The following RC3H1 variants were observed in gnomAD, a reference collection of about 807,000 sequenced individuals.
RC3H1 encodes the protein roquin-1.
RC3H1 carries 50 observed loss-of-function variants against 138.2 expected under a neutral mutation model. The observed-to-expected ratio is 0.36, with a 90% CI of 0.29 to 0.46. The LOEUF is 0.46. RC3H1 is among the 20% of genes least tolerant of loss of function. The probability of loss-of-function intolerance (pLI) is 1.00; values close to 1 mark genes in which losing one functional copy is unlikely to be tolerated. For missense variants in RC3H1, 1,031 were observed against 1,388.1 expected (o/e 0.74, Z 4.09); for synonymous variants, 462 against 489.1 (o/e 0.94, Z 0.73).
chr1:173,966,774 C>T lies in RC3H1; in HGVS notation c.1335-1654G>A, dbSNP rs1205387096. Among the ~76,000 whole-genome samples the T allele has an allele frequency of 3.3e-5, 5 of 151,882 alleles. No homozygotes were observed. In the East Asian group the frequency reaches 5.8e-4, roughly 18 times the overall value. ...ATAAAACCCCATCAGAGTAATAATG[C>T]TATTTTTCCACGTTTCCCAAAACTG... On this transcript the variant is annotated intron_variant, in intron 9 of 19. Coordinates refer to ENST00000367696, the MANE Select transcript of RC3H1 (RefSeq NM_172071.4).
intron 1 of RC3H1, among the ~76,000 whole-genome samples, chr1:174,003,001 T>C (rs769867967): frequency 1.2e-4 from 18 of 152,198 alleles, no homozygotes; most frequent in Non-Finnish European, 2.6e-4. Context: ...ATATAACCAG[T>C]TGACTACTAA....
rs1658485015 is a variant in RC3H1 at position 173,934,066 on chromosome 1, A to G, written c.*4655T>C. 6.6e-6 allele frequency: 1 copy of G among 152,186 alleles called. No individual in the cohort carries two copies. The highest frequency in any genetic ancestry group is 2.4e-5 in the African/African-American group (1 of 41,446). 9.4% of individuals were successfully genotyped at this position (152,186 alleles called of 1,614,324 possible). A position where few individuals can be genotyped will look rare whatever the true frequency, so the allele number is the denominator to read the frequency against. ...ATAAATCGTTACAGGTGCTTTTTAC[A>G]GATAGATTTTACAAATAAAACCTTT... On this transcript the variant is annotated 3_prime_UTR_variant, in exon 20 of 20. Coordinates refer to ENST00000367696, the MANE Select transcript of RC3H1 (RefSeq NM_172071.4).
chr1:173,961,311 T>G, intron 12 of RC3H1, 67 bp from the exon 13 acceptor site: 1 of 1,376,870 alleles, frequency 7.3e-7, no homozygotes, highest in Non-Finnish European at 1.0e-6. Context: ...TTTAATATAC[T>G]CAGCGTATAT....
At chr1:173,986,489 A>G (rs1003297798) in intron 2 of RC3H1, among the ~76,000 whole-genome samples, 1 of 152,052 alleles carries the variant, frequency 6.6e-6, no homozygotes, top group Non-Finnish European at 1.5e-5. Flanking sequence ...TACATTGCCC[A>G]GACTGGCCTC....
At chr1:173,981,874 TG>T (rs1393913282) in intron 5 of RC3H1, among the ~76,000 whole-genome samples, 2 of 151,832 alleles carry the variant, frequency 1.3e-5, no homozygotes, top group African/African-American at 4.8e-5. Context: ...CACTCCAGCC[TG>T]GGCGACAGAG....
chr1:173,945,111 G>A (rs761164444), intron 17 of RC3H1, among the ~76,000 whole-genome samples: 1,504 of 148,632 alleles, frequency 0.01, 17 homozygotes, highest in Non-Finnish European at 0.015. Flanking sequence ...GCACTTAAAA[G>A]ATTTTAAAAA....
In RC3H1 at chr1:173,936,447, G is replaced by A. The variant is rs1385043321; in HGVS notation, c.*2274C>T. 7.0e-6 allele frequency: 1 copy of A among 142,100 alleles called. No homozygotes were observed. Among genetic ancestry groups the A allele is most frequent in the East Asian group, 2.2e-4 (1 of 4,630 alleles). 8.8% of individuals were successfully genotyped at this position (142,100 alleles called of 1,614,324 possible). Reference sequence around the variant, plus strand: ...GAGAATCGCTTGAACCCGGGAGGTGGAGGTTGTAGCGAGCCGAGATCAACC... The same window carrying A: ...GAGAATCGCTTGAACCCGGGAGGTGAAGGTTGTAGCGAGCCGAGATCAACC... On this transcript the variant is annotated 3_prime_UTR_variant, in exon 20 of 20. Coordinates refer to ENST00000367696, the MANE Select transcript of RC3H1 (RefSeq NM_172071.4).
At chr1:173,986,366 T>G (rs1044816951) in intron 2 of RC3H1, among the ~76,000 whole-genome samples, 8 of 152,084 alleles carry the variant, frequency 5.3e-5, no homozygotes, top group Non-Finnish European at 1.2e-4. Context: ...ACACTTAGTC[T>G]TCAGAGAAAG....
chr1:173,970,268 T>C (rs1660298783), intron 9 of RC3H1, among the ~76,000 whole-genome samples: 1 of 152,238 alleles, frequency 6.6e-6, no homozygotes, highest in Non-Finnish European at 1.5e-5. Context: ...AAGTTTTGAC[T>C]GCTATCCATC....
At chr1:173,997,094 G>A (rs1436591031) in intron 1 of RC3H1, among the ~76,000 whole-genome samples, 2 of 151,920 alleles carry the variant, frequency 1.3e-5, no homozygotes, top group Non-Finnish European at 2.9e-5. Context: ...AGCTGGACAT[G>A]GGCACCTGTA....
Position 173,963,872 on chromosome 1 carries a change from ACTTAT to A in RC3H1, c.1831+96_1831+100del, listed in dbSNP as rs1397684437. 23 of 881,138 alleles carry A rather than the reference ACTTAT, an allele frequency of 2.6e-5. No individual in the cohort carries two copies. In the African/African-American group the frequency reaches 3.5e-4, roughly 14 times the overall value. The allele number at this position is 881,138 out of a possible 1,614,324, so 54.6% of individuals were successfully genotyped here. ...TATTAAAAAATGCATTTATACATTT[ACTTAT>A]CTTAAAGAGGCTACTGTGTAAATGA... On this transcript the variant is annotated intron_variant, in intron 11 of 19. Coordinates refer to ENST00000367696, the MANE Select transcript of RC3H1 (RefSeq NM_172071.4).
rs1316810817 is a variant in RC3H1, at chr1:173,936,088, A to C, written c.*2633T>G. 1 of 152,272 alleles carries C rather than the reference A, an allele frequency of 6.6e-6. No homozygotes were observed. The highest frequency in any genetic ancestry group is 1.9e-4 in the East Asian group (1 of 5,202). The allele number at this position is 152,272 out of a possible 1,614,324, so 9.4% of individuals were successfully genotyped here. On this transcript the variant is annotated 3_prime_UTR_variant, in exon 20 of 20. Transcript: ENST00000367696. ...TCCCTGCTCCTGCCTACTTCACAGA[A>C]TCAAAATGGCAAAAGCCAAGAACAA...
intron 13 of RC3H1, among the ~76,000 whole-genome samples, chr1:173,960,368 G>A (rs1404063329): frequency 6.6e-6 from 1 of 151,962 alleles, no homozygotes; most frequent in Admixed American, 6.6e-5. Flanking sequence ...AAACATTTTG[G>A]TGGCCACATT....
intron 1 of RC3H1, among the ~76,000 whole-genome samples, chr1:174,017,840 C>T (rs903862942): frequency 3.1e-5 from 4 of 129,432 alleles, no homozygotes; most frequent in African/African-American, 1.2e-4. Context: ...CTATTTAGAT[C>T]TTGGAAATTT....
chr1:174,020,424 T>A (rs1214696775), intron 1 of RC3H1, among the ~76,000 whole-genome samples: 1 of 152,198 alleles, frequency 6.6e-6, no homozygotes, highest in East Asian at 1.9e-4. Context: ...AGACTAGTGC[T>A]GCTTATAATG....
In RC3H1 at chr1:174,019,522, T is replaced by C. The variant is rs560251246; in HGVS notation, c.-151+2574A>G. Reference sequence around the variant, plus strand: ...GGACAACAGAACTAATACTGCAGCATAATGAGGAAGCTTAAATATTTTTAT... The same window carrying C: ...GGACAACAGAACTAATACTGCAGCACAATGAGGAAGCTTAAATATTTTTAT... On this transcript the variant is annotated intron_variant, in intron 1 of 19. Transcript: ENST00000367696. Among the ~76,000 whole-genome samples the C allele has an allele frequency of 1.8e-4, 27 of 152,318 alleles. 1 individual carries two copies. The highest frequency in any genetic ancestry group is 6.3e-4 in the African/African-American group (26 of 41,580).
chr1:173,990,543 T>C (rs1198855008), intron 2 of RC3H1, among the ~76,000 whole-genome samples: 2 of 151,882 alleles, frequency 1.3e-5, no homozygotes, highest in African/African-American at 4.8e-5. Flanking sequence ...ACAGTCTTTC[T>C]TACGTGTGTA....
chr1:174,010,499 C>T (rs1272261571), intron 1 of RC3H1, among the ~76,000 whole-genome samples: 4 of 152,146 alleles, frequency 2.6e-5, no homozygotes, highest in Non-Finnish European at 4.4e-5. Context: ...ACTGCAGCCT[C>T]GACCTCCCAG....
chr1:173,994,667 G>A (rs1261099051), intron 1 of RC3H1, among the ~76,000 whole-genome samples: 1 of 151,444 alleles, frequency 6.6e-6, no homozygotes, highest in African/African-American at 2.4e-5. Context: ...GCATGCACCT[G>A]TGGTCCCAGC....
Sources: allele counts gnomAD v4.1 joint callset (sites outside exome capture counted in the v4.1 genomes callset), GRCh38; gene constraint gnomAD v4.1.1; transcripts MANE v1.5; gene names NCBI Gene and HGNC (gene_info 2026-07-23, HGNC 2026-07-21).